The following CNTNAP2 variants were observed in gnomAD, a reference collection of about 807,000 sequenced individuals.
CNTNAP2 encodes contactin associated protein 2.
In CNTNAP2, 98 loss-of-function variants were observed where a neutral mutation model predicts 155.2. The observed-to-expected ratio is 0.63, with a 90% CI of 0.54 to 0.75. The LOEUF (loss-of-function observed/expected upper bound fraction) is 0.75. CNTNAP2 is among the 30% of genes least tolerant of loss of function. CNTNAP2 has a pLI of 0.00. For synonymous variants in CNTNAP2, 651 were observed against 631.2 expected, an observed-to-expected ratio of 1.03 and a Z score of -0.47; for missense variants, 1,727 against 1,688.1, an observed-to-expected ratio of 1.02 and a Z score of -0.40.
chr7:146,461,490 AT>A (rs1796636844), intron 1 of CNTNAP2, among the ~76,000 whole-genome samples: 1 of 152,058 alleles, frequency 6.6e-6, no homozygotes, highest in South Asian at 2.1e-4. Context: ...AGATACAGTA[AT>A]AACTTTTAGT....
intron 21 of CNTNAP2, among the ~76,000 whole-genome samples, chr7:148,358,123 G>T (rs954244597): frequency 2.0e-5 from 3 of 152,176 alleles, no homozygotes; most frequent in African/African-American, 7.2e-5. Flanking sequence ...CAGCCTAGGG[G>T]TGTTCAAGGT....
At chr7:147,924,511 C>T (rs767748734) in intron 14 of CNTNAP2, among the ~76,000 whole-genome samples, 7 of 152,124 alleles carry the variant, frequency 4.6e-5, no homozygotes, top group Non-Finnish European at 8.8e-5. Context: ...AATTACTTTT[C>T]CAACTCTGTA....
chr7:146,363,686 A>ATG (rs1345071752), intron 1 of CNTNAP2, among the ~76,000 whole-genome samples: 1 of 152,150 alleles, frequency 6.6e-6, no homozygotes, highest in African/African-American at 2.4e-5. Context: ...ACATTGTGGG[A>ATG]TGTGTCCATG....
At chr7:147,540,702 G>A (rs992419568) in intron 11 of CNTNAP2, among the ~76,000 whole-genome samples, 4 of 152,072 alleles carry the variant, frequency 2.6e-5, no homozygotes, top group Non-Finnish European at 4.4e-5. Flanking sequence ...ATGGTGGCAC[G>A]TGCCTGTAAT....
At chr7:146,576,368 G>T (rs1798524698) in intron 1 of CNTNAP2, among the ~76,000 whole-genome samples, 1 of 152,118 alleles carries the variant, frequency 6.6e-6, no homozygotes, top group Non-Finnish European at 1.5e-5. Context: ...GTGTTTTATT[G>T]GGGTAGATAT....
intron 13 of CNTNAP2, among the ~76,000 whole-genome samples, chr7:147,851,714 A>G (rs1255954193): frequency 6.8e-6 from 1 of 146,494 alleles, no homozygotes; most frequent in African/African-American, 2.5e-5. Flanking sequence ...GAACAATGAG[A>G]ACACTTGGAC....
chr7:146,889,084 T>A (rs190322781), intron 3 of CNTNAP2, among the ~76,000 whole-genome samples: 32 of 152,198 alleles, frequency 2.1e-4, no homozygotes, highest in Admixed American at 1.9e-3. Flanking sequence ...GCCTTGATGG[T>A]GATGATGGTT....
chr7:147,591,465 A>G (rs1195639856), intron 12 of CNTNAP2, among the ~76,000 whole-genome samples: 2 of 152,176 alleles, frequency 1.3e-5, no homozygotes, highest in Admixed American at 6.6e-5. Flanking sequence ...ATCTCCAAAT[A>G]TCGTCAAATT....
intron 1 of CNTNAP2, among the ~76,000 whole-genome samples, chr7:146,215,444 A>T (rs949489351): frequency 6.6e-6 from 1 of 152,160 alleles, no homozygotes; most frequent in African/African-American, 2.4e-5. Context: ...GCTCAAGGAA[A>T]TTCGAAACCA....
intron 1 of CNTNAP2, among the ~76,000 whole-genome samples, chr7:146,332,565 A>G (rs568558325): frequency 1.3e-5 from 2 of 152,310 alleles, no homozygotes; most frequent in East Asian, 3.9e-4. Flanking sequence ...AATATGTCAC[A>G]TATTCTATTA....
intron 22 of CNTNAP2, among the ~76,000 whole-genome samples, chr7:148,387,825 C>CATCTCGAAT (rs1325577980): frequency 6.6e-6 from 1 of 152,064 alleles, no homozygotes; most frequent in East Asian, 1.9e-4. Flanking sequence ...AGAGCAACTC[C>CATCTCGAAT]ATCTCGAATA....
At chr7:146,245,473 C>G (rs975213913) in intron 1 of CNTNAP2, among the ~76,000 whole-genome samples, 1 of 152,144 alleles carries the variant, frequency 6.6e-6, no homozygotes, top group Non-Finnish European at 1.5e-5. Flanking sequence ...AGCCGCTGCA[C>G]GCAGACATGA....
At chr7:146,519,165 T>C (rs958702422) in intron 1 of CNTNAP2, among the ~76,000 whole-genome samples, 5 of 151,864 alleles carry the variant, frequency 3.3e-5, no homozygotes, top group Non-Finnish European at 5.9e-5. Context: ...ATCATTAATA[T>C]TGAGTATTGA....
chr7:147,209,606 T>C (rs1166644250), intron 8 of CNTNAP2, among the ~76,000 whole-genome samples: 1 of 151,954 alleles, frequency 6.6e-6, no homozygotes, highest in East Asian at 1.9e-4. Flanking sequence ...CTCTGGCTAG[T>C]ACTTCCAGTA....
At chr7:147,362,368 CAA>C (rs1796160768) in intron 9 of CNTNAP2, among the ~76,000 whole-genome samples, 1 of 152,096 alleles carries the variant, frequency 6.6e-6, no homozygotes, top group Non-Finnish European at 1.5e-5. Context: ...CTCCTGAGCC[CAA>C]GAGATCCTCC....
intron 8 of CNTNAP2, among the ~76,000 whole-genome samples, chr7:147,247,258 G>C (rs2116650768): frequency 6.6e-6 from 1 of 152,234 alleles, no homozygotes; most frequent in South Asian, 2.1e-4. Flanking sequence ...GCTTTCAGTA[G>C]GATGCTAGAC....
intron 1 of CNTNAP2, among the ~76,000 whole-genome samples, chr7:146,712,302 T>C (rs1330347064): frequency 1.6e-5 from 2 of 126,800 alleles, no homozygotes; most frequent in Non-Finnish European, 3.3e-5. Context: ...ATCTTATGTA[T>C]ACTATATAGT....
At chr7:147,542,301 TAAA>T (rs5888269) in intron 11 of CNTNAP2, among the ~76,000 whole-genome samples, 5 of 143,578 alleles carry the variant, frequency 3.5e-5, no homozygotes, top group Non-Finnish European at 3.0e-5. Context: ...TGTTCAGTGG[TAAA>T]AAAAAAAAAG....
At chr7:148,320,556 G>A (rs966027514) in intron 21 of CNTNAP2, among the ~76,000 whole-genome samples, 3 of 151,498 alleles carry the variant, frequency 2.0e-5, no homozygotes, top group African/African-American at 7.3e-5. Flanking sequence ...GCTAATTTTT[G>A]TATTTTTAGT....
Sources: gnomAD v4.1 joint callset for allele counts (sites outside exome capture counted in the v4.1 genomes callset) on GRCh38, gnomAD v4.1.1 for gene constraint, MANE v1.5 for transcripts, NCBI Gene and HGNC (gene_info 2026-07-23, HGNC 2026-07-21) for gene names.